Variants in FBXL13 observed in about 807,000 individuals in gnomAD.
The protein encoded by FBXL13 is F-box and leucine-rich repeat protein 13.
FBXL13 carries 67 observed loss-of-function variants against 83.6 expected under a neutral mutation model. That is an observed-to-expected ratio of 0.80 (90% CI 0.66 to 0.98). The LOEUF (loss-of-function observed/expected upper bound fraction) is 0.98, where lower values mean the gene tolerates loss of function less well. Ranked by LOEUF, FBXL13 falls within the 50% of genes least tolerant of loss-of-function variation. The pLI is 0.00. For synonymous variants in FBXL13, 272 were observed against 299.5 expected (o/e 0.91, Z 0.95); for missense variants, 822 against 866.5 (o/e 0.95, Z 0.64).
intron 17 of FBXL13, among the ~76,000 whole-genome samples, chr7:102,844,504 A>G (rs1803582031): frequency 6.6e-6 from 1 of 152,188 alleles, no homozygotes; most frequent in Admixed American, 6.5e-5. Context: ...GAGAATGCCT[A>G]AAAGACTGTC....
chr7:102,885,429 C>A (rs988931574), intron 11 of FBXL13, among the ~76,000 whole-genome samples: 4 of 151,236 alleles, frequency 2.6e-5, no homozygotes, highest in Admixed American at 6.6e-5. Context: ...GGGAAAATGT[C>A]TAGTCAAGTT....
rs1224068468 is a variant in FBXL13, at chr7:102,822,025, C to A, written c.2018+15G>T. 4 of 1,613,580 alleles carry A rather than the reference C, an allele frequency of 2.5e-6. No individual in the cohort carries two copies. In the East Asian group the frequency reaches 6.7e-5, roughly 27 times the overall value. On this transcript the variant is annotated intron_variant, in intron 19 of 19. Transcript: ENST00000313221. ...GTAGTTCTCAAAAGTTTGTCATAGT[C>A]AGGTACATACTTACTTGGAAATATT...
At chr7:102,819,598 C>CT (rs1798522179) in intron 19 of FBXL13, among the ~76,000 whole-genome samples, 1 of 152,124 alleles carries the variant, frequency 6.6e-6, no homozygotes, top group Non-Finnish European at 1.5e-5. Context: ...ACCTTAAGGG[C>CT]TGCATCATAC....
intron 8 of FBXL13, 113 bp downstream of exon 9, chr7:102,963,420 C>A: frequency 8.0e-7 from 1 of 1,247,208 alleles, no homozygotes. Flanking sequence ...TAATTGGTAT[C>A]CTTATGACCT....
chr7:102,980,028 A>C (rs1397550855), intron 6 of FBXL13, among the ~76,000 whole-genome samples: 2 of 152,236 alleles, frequency 1.3e-5, no homozygotes, highest in Non-Finnish European at 2.9e-5. Flanking sequence ...AAAAATACTA[A>C]GATGTCAATA....
intron 6 of FBXL13, among the ~76,000 whole-genome samples, chr7:103,021,289 G>A (rs996733741): frequency 1.1e-4 from 16 of 152,272 alleles, no homozygotes; most frequent in African/African-American, 3.9e-4. Context: ...TATGTAGAAA[G>A]CTGAAGCTGG....
chr7:102,967,264 C>G (rs1486206032), intron 7 of FBXL13, among the ~76,000 whole-genome samples: 1 of 61,648 alleles, frequency 1.6e-5, no homozygotes, highest in Admixed American at 1.9e-4. Context: ...AGCCAATCCT[C>G]TCTTTCTTTT....
chr7:102,849,773 T>C (rs1459491728), intron 17 of FBXL13, among the ~76,000 whole-genome samples: 1 of 152,064 alleles, frequency 6.6e-6, no homozygotes, highest in Non-Finnish European at 1.5e-5. Context: ...CCCAGAAGTA[T>C]GAATCTTGGA....
intron 16 of FBXL13, among the ~76,000 whole-genome samples, chr7:102,873,132 T>C (rs1013557511): frequency 6.6e-6 from 1 of 152,246 alleles, no homozygotes; most frequent in Admixed American, 6.5e-5. Flanking sequence ...TGAGTTTTCA[T>C]GATTTTTCAG....
intron 6 of FBXL13, among the ~76,000 whole-genome samples, chr7:102,972,899 ATTTTC>A (rs939202446): frequency 1.3e-5 from 2 of 151,838 alleles, no homozygotes; most frequent in Admixed American, 6.6e-5. Context: ...GTAGCTATCT[ATTTTC>A]TTTTCTTAGT....
At position 103,060,021 on chromosome 7, in the gene FBXL13, TA is replaced by T. The variant is rs1797711071; in HGVS notation, c.-104-4275del. Reference sequence around the variant, plus strand: ...AACAGATAATGATAGCAAGATATTTTATATATATATATATATATATATATAT... The same window carrying T: ...AACAGATAATGATAGCAAGATATTTTTATATATATATATATATATATATAT... On this transcript the variant is annotated intron_variant, in intron 1 of 19. Transcript: ENST00000313221. 3.5e-3 allele frequency among the ~76,000 whole-genome samples: 27 copies of T among 7,814 alleles called. 1 individual carries two copies. The highest frequency in any genetic ancestry group is 0.011 in the African/African-American group (24 of 2,282). The allele number at this position is 7,814 out of a possible 152,430, so 5.1% of individuals were successfully genotyped here. A position where few individuals can be genotyped will look rare whatever the true frequency, so the allele number is the denominator to read the frequency against.
At chr7:102,928,661 G>GACTTGACA in intron 9 of FBXL13, among the ~76,000 whole-genome samples, 1 of 152,324 alleles carries the variant, frequency 6.6e-6, no homozygotes, top group East Asian at 1.9e-4. Context: ...GAAGCTCCCT[G>GACTTGACA]AGGACAAGAA....
intron 8 of FBXL13, among the ~76,000 whole-genome samples, chr7:102,950,336 G>A (rs1823219104): frequency 6.6e-6 from 1 of 152,230 alleles, no homozygotes; most frequent in African/African-American, 2.4e-5. Context: ...TGATGACGAT[G>A]TAAAGCAACA....
At chr7:103,035,604 C>T (rs553150520) in intron 2 of FBXL13, among the ~76,000 whole-genome samples, 51 of 151,642 alleles carry the variant, frequency 3.4e-4, no homozygotes, top group Non-Finnish European at 6.2e-4. Context: ...TAAAAAAATG[C>T]ATTTAAACAA....
At chr7:102,836,342 T>A (rs948874936) in intron 17 of FBXL13, among the ~76,000 whole-genome samples, 1 of 152,216 alleles carries the variant, frequency 6.6e-6, no homozygotes. Flanking sequence ...TTTCCTCTCT[T>A]AGAATTCGTG....
chr7:103,020,872 T>C (rs921054069), intron 6 of FBXL13, among the ~76,000 whole-genome samples: 2 of 152,114 alleles, frequency 1.3e-5, no homozygotes, highest in African/African-American at 4.8e-5. Flanking sequence ...TGCTCATGGA[T>C]AGGAAGAATC....
intron 10 of FBXL13, among the ~76,000 whole-genome samples, chr7:102,918,802 T>C (rs1816413878): frequency 6.6e-6 from 1 of 152,230 alleles, no homozygotes; most frequent in African/African-American, 2.4e-5. Flanking sequence ...CCAAATCATC[T>C]ACTTTGTAAG....
chr7:102,862,917 T>A (rs1489929169), intron 16 of FBXL13, among the ~76,000 whole-genome samples: 4 of 152,232 alleles, frequency 2.6e-5, no homozygotes, highest in Non-Finnish European at 4.4e-5. Flanking sequence ...GAACTTGACC[T>A]TCTCTTCTCT....
intron 1 of FBXL13, among the ~76,000 whole-genome samples, chr7:103,059,923 G>C (rs1797687020): frequency 6.7e-6 from 1 of 149,460 alleles, no homozygotes; most frequent in African/African-American, 2.5e-5. Flanking sequence ...GGATAATAAA[G>C]GTTCATACGC....
Sources: allele counts gnomAD v4.1 joint callset (sites outside exome capture counted in the v4.1 genomes callset), GRCh38; gene constraint gnomAD v4.1.1; transcripts MANE v1.5; gene names NCBI Gene and HGNC (gene_info 2026-07-23, HGNC 2026-07-21).